PRDM12: variants seen among roughly 807,000 people sequenced by gnomAD.
PRDM12 encodes PR/SET domain 12, also known as PR domain zinc finger protein 12.
A neutral mutation model predicts 29.6 loss-of-function variants in PRDM12; 17 were observed. The ratio of observed to expected loss-of-function variants is 0.57; its 90% CI spans 0.39 to 0.86. PRDM12 has a LOEUF of 0.86. Ranked by LOEUF, PRDM12 falls within the 40% of genes least tolerant of loss-of-function variation. The pLI, the probability that PRDM12 is intolerant of heterozygous loss-of-function variation, is 0.00. For missense variants in PRDM12, 422 were observed against 510.8 expected, an observed-to-expected ratio of 0.83 and a Z score of 1.68; for synonymous variants, 231 against 225.8, an observed-to-expected ratio of 1.02 and a Z score of -0.21.
chr9:130,665,610 G>A (rs1403196814), intron 1 of PRDM12, among the ~76,000 whole-genome samples: 1 of 151,906 alleles, frequency 6.6e-6, no homozygotes, highest in Admixed American at 6.6e-5. Context: ...TTTTAAACAA[G>A]TCCCCTCCGC....
rs886179789 is a variant in PRDM12, at chr9:130,665,770, C to T, written c.224-838C>T. Reference sequence around the variant, plus strand: ...CGCAATGGACACCGTTTAACCCCCCCCTTTCAGCCGGCCCGCTCGCCGGGT... The same window carrying T: ...CGCAATGGACACCGTTTAACCCCCCTCTTTCAGCCGGCCCGCTCGCCGGGT... On this transcript the variant is annotated intron_variant, in intron 1 of 4. Transcript: ENST00000253008. Among the ~76,000 whole-genome samples the T allele has an allele frequency of 1.3e-5, 2 of 152,234 alleles. 1 individual carries two copies. Among genetic ancestry groups the T allele is most frequent in the Middle Eastern group, 6.8e-3 (2 of 292 alleles).
Position 130,664,978 on chromosome 9 carries a change from C to A in PRDM12, c.223+102C>A. 8.2e-7 allele frequency: 1 copy of A among 1,219,252 alleles called. No individual in the cohort carries two copies. The highest frequency in any genetic ancestry group is 1.1e-6 in the Non-Finnish European group (1 of 892,182). The allele number at this position is 1,219,252 out of a possible 1,614,324, so 75.5% of individuals were successfully genotyped here. ...GCGGCTGGGATACCCGGCCTCGCTGCTACTCGCGCCAACCTGGGCTCTCCC... is the reference window on the plus strand; with the variant it reads ...GCGGCTGGGATACCCGGCCTCGCTGATACTCGCGCCAACCTGGGCTCTCCC... On this transcript the variant is annotated intron_variant, in intron 1 of 4. Coordinates refer to ENST00000253008, the MANE Select transcript of PRDM12 (RefSeq NM_021619.3). This position sits in a 1 kb window ranked among gnomAD's most constrained non-coding sequence, Gnocchi z 6.4.
chr9:130,677,401 G>A (rs1008624866), intron 3 of PRDM12, among the ~76,000 whole-genome samples: 2 of 152,188 alleles, frequency 1.3e-5, no homozygotes, highest in African/African-American at 2.4e-5. Context: ...AAGCCAACGC[G>A]GGGTCCTGGC....
intron 4 of PRDM12, among the ~76,000 whole-genome samples, chr9:130,680,657 A>ATTTTTTTTTTTTT (rs1399560598): frequency 2.5e-4 from 22 of 87,492 alleles, no homozygotes; most frequent in African/African-American, 1.5e-3. Context: ...ATATATATAT[A>ATTTTTTTTTTTTT]TATTTTTTTT....
At position 130,668,381 on chromosome 9, in the gene PRDM12, G is replaced by A; in HGVS notation, c.570+68G>A. On this transcript the variant is annotated intron_variant, in intron 3 of 4. Coordinates refer to ENST00000253008, the MANE Select transcript of PRDM12 (RefSeq NM_021619.3). The surrounding 1 kb of genome is among the most constrained non-coding windows in gnomAD (Gnocchi z 4.0). ...AAACCCGGCGGGGGGAGGTGTGCAGGGCAGCGGTGTCCAGGAACCACAGTG... is the reference window on the plus strand; with the variant it reads ...AAACCCGGCGGGGGGAGGTGTGCAGAGCAGCGGTGTCCAGGAACCACAGTG... The A allele has an allele frequency of 6.3e-7, 1 of 1,598,282 alleles. No homozygotes were observed. Among genetic ancestry groups the A allele is most frequent in the Non-Finnish European group, 8.6e-7 (1 of 1,169,246 alleles).
intron 3 of PRDM12, among the ~76,000 whole-genome samples, chr9:130,675,867 G>A (rs922604580): frequency 6.6e-6 from 1 of 152,160 alleles, no homozygotes; most frequent in African/African-American, 2.4e-5. Flanking sequence ...AACGTGTCCG[G>A]TTTCATCCAA....
intron 4 of PRDM12, among the ~76,000 whole-genome samples, chr9:130,680,449 A>G (rs903228122): frequency 4.6e-5 from 7 of 151,528 alleles, no homozygotes; most frequent in African/African-American, 1.7e-4. Context: ...CCTGGCCAAC[A>G]TGGTGAAACC....
chr9:130,673,246 G>A (rs1830805330), intron 3 of PRDM12, among the ~76,000 whole-genome samples: 1 of 152,208 alleles, frequency 6.6e-6, no homozygotes, highest in African/African-American at 2.4e-5. Context: ...GCATCCAGGC[G>A]GTCAGCTGGC....
Position 130,675,884 on chromosome 9 carries a change from A to G in PRDM12, c.571-2645A>G, listed in dbSNP as rs532640659. Among the ~76,000 whole-genome samples, 7 of 152,256 alleles carry G rather than the reference A, an allele frequency of 4.6e-5. No homozygotes were observed. The South Asian group carries it at 1.5e-3, about 32-fold the overall frequency. On this transcript the variant is annotated intron_variant, in intron 3 of 4. Transcript: ENST00000253008. ...CGTGTCCGGTTTCATCCAAGACTGG[A>G]AACCAAGGGTCAGGACAATGTTGGA...
chr9:130,667,249 G>A (rs372031597), intron 2 of PRDM12, among the ~76,000 whole-genome samples: 2 of 152,356 alleles, frequency 1.3e-5, no homozygotes, highest in South Asian at 2.1e-4. Context: ...CCTGGTGAAA[G>A]CAGAATGACA....
intron 3 of PRDM12, 25 bp from the exon 4 acceptor site, chr9:130,678,504 C>T (rs766367891): frequency 2.6e-6 from 4 of 1,566,654 alleles, no homozygotes; most frequent in East Asian, 4.5e-5. Flanking sequence ...GCCTCCCTGA[C>T]CTCCTCTTGC....
Position 130,681,421 on chromosome 9 carries a change from C to T in PRDM12, c.856C>T (p.Leu286=), listed in dbSNP as rs759974571. The change falls in exon 5 of 5, where the codon CTG becomes TTG. Residue 286 remains leucine, a synonymous_variant. Coordinates refer to ENST00000253008, the MANE Select transcript of PRDM12 (RefSeq NM_021619.3). This position sits in a 1 kb window ranked among gnomAD's most constrained non-coding sequence, Gnocchi z 8.1. ...CNRRFSQSST[L]RNHVRLHTGE... is the part of the protein sequence containing the mutation. ...CCGCCGCTTCAGCCAGTCGTCCACG[C>T]TGCGCAACCACGTGCGCCTGCACAC... The T allele has an allele frequency of 3.7e-6, 6 of 1,600,106 alleles. No individual in the cohort carries two copies. Among genetic ancestry groups the T allele is most frequent in the Admixed American group, 1.7e-5 (1 of 59,500 alleles).
Position 130,668,804 on chromosome 9 carries a change from G to A in PRDM12, c.570+491G>A, listed in dbSNP as rs888077617. On this transcript the variant is annotated intron_variant, in intron 3 of 4. Transcript: ENST00000253008. This position sits in a 1 kb window ranked among gnomAD's most constrained non-coding sequence, Gnocchi z 4.0. Reference sequence around the variant, plus strand: ...ACTCCAGACTCAGCGATGGCTCCCCGTGTGTCAGGCTTCTCCCAGATGCTG... The same window carrying A: ...ACTCCAGACTCAGCGATGGCTCCCCATGTGTCAGGCTTCTCCCAGATGCTG... Among the ~76,000 whole-genome samples, 9 of 152,092 alleles carry A rather than the reference G, an allele frequency of 5.9e-5. No individual in the cohort carries two copies. The highest frequency in any genetic ancestry group is 2.6e-4 in the Admixed American group (4 of 15,268).
chr9:130,676,200 C>CA (rs930697240), intron 3 of PRDM12, among the ~76,000 whole-genome samples: 15 of 150,882 alleles, frequency 9.9e-5, no homozygotes, highest in Admixed American at 6.6e-4. Flanking sequence ...ATGTAAAAAA[C>CA]AAAAAAAAAG....
chr9:130,672,834 T>A (rs1036657017), intron 3 of PRDM12, among the ~76,000 whole-genome samples: 5 of 152,142 alleles, frequency 3.3e-5, no homozygotes, highest in Non-Finnish European at 5.9e-5. Context: ...TGGGAGCATG[T>A]TCAGTGGCAG....
intron 3 of PRDM12, among the ~76,000 whole-genome samples, chr9:130,675,589 A>G (rs1830834384): frequency 6.6e-6 from 1 of 152,196 alleles, no homozygotes; most frequent in Non-Finnish European, 1.5e-5. Context: ...TCCAGGAAAA[A>G]CAATCACTGG....
At chr9:130,678,027 A>G (rs1830859312) in intron 3 of PRDM12, among the ~76,000 whole-genome samples, 1 of 151,560 alleles carries the variant, frequency 6.6e-6, no homozygotes, top group Non-Finnish European at 1.5e-5. Context: ...GTCGGGAAGT[A>G]CCTGTGATGT....
At position 130,668,274 on chromosome 9, in the gene PRDM12, G is replaced by A. The variant is rs1805119879; in HGVS notation, c.531G>A (p.Val177=). The A allele has an allele frequency of 1.2e-6, 2 of 1,614,126 alleles. No individual in the cohort carries two copies. The highest frequency in any genetic ancestry group is 2.2e-5 in the East Asian group (1 of 44,884). The change falls in exon 3 of 5, where the codon GTG becomes GTA. Residue 177 remains valine, a synonymous_variant. Transcript: ENST00000253008. This position sits in a 1 kb window ranked among gnomAD's most constrained non-coding sequence, Gnocchi z 4.0. ...ARNEQEQNLE[V]VQIGTSIFYK... is the part of the protein sequence containing the mutation. ...ACGAACAGGAGCAGAACCTGGAGGT[G>A]GTCCAGATCGGCACCAGCATCTTCT...
Position 130,681,648 on chromosome 9 carries a change from C to G in PRDM12, c.1083C>G (p.His361Gln). 1.0e-6 allele frequency: 1 copy of G among 978,796 alleles called. No homozygotes were observed. Among genetic ancestry groups the G allele is most frequent in the Non-Finnish European group, 1.2e-6 (1 of 826,698 alleles). 60.6% of individuals were successfully genotyped at this position (978,796 alleles called of 1,614,324 possible). A position where few individuals can be genotyped will look rare whatever the true frequency, so the allele number is the denominator to read the frequency against. ...CCGCCGCCGCCGCCGCCGCGCACCACCTGCCGGCCATGGTGCTGTGAGCGC... is the reference window on the plus strand; with the variant it reads ...CCGCCGCCGCCGCCGCCGCGCACCAGCTGCCGGCCATGGTGCTGTGAGCGC... ...AAAAAAAAAH[H>Q]LPAMVL is the part of the protein sequence containing the mutation. Residue 361 changes from histidine to glutamine, a missense_variant, in exon 5 of 5, where the codon CAC becomes CAG. Transcript: ENST00000253008. This position sits in a 1 kb window ranked among gnomAD's most constrained non-coding sequence, Gnocchi z 8.1.
Sources: allele counts gnomAD v4.1 joint callset (sites outside exome capture counted in the v4.1 genomes callset), GRCh38; gene constraint gnomAD v4.1.1; non-coding constraint Gnocchi (gnomAD v3.1); transcripts MANE v1.5; gene names NCBI Gene and HGNC (gene_info 2026-07-23, HGNC 2026-07-21).